Variants in MYO6 observed in about 807,000 individuals in gnomAD.
MYO6 encodes the protein myosin VI.
Under a neutral mutation model 178.7 loss-of-function variants are expected in MYO6, and 74 were observed. The observed-to-expected ratio is 0.41, with a 90% CI of 0.34 to 0.50. MYO6 has a LOEUF of 0.50. Ranked by LOEUF, MYO6 falls within the 20% of genes least tolerant of loss-of-function variation. The pLI, the probability that MYO6 is intolerant of heterozygous loss-of-function variation, is 0.09. For synonymous variants in MYO6, 477 were observed against 504.6 expected, an observed-to-expected ratio of 0.95 and a Z score of 0.73; for missense variants, 1,330 against 1,547.4, an observed-to-expected ratio of 0.86 and a Z score of 2.36.
At chr6:75,798,546 A>G (rs1769093682) in intron 1 of MYO6, among the ~76,000 whole-genome samples, 1 of 152,248 alleles carries the variant, frequency 6.6e-6, no homozygotes, top group Non-Finnish European at 1.5e-5. Context: ...TAGAGGCAGA[A>G]AAAGCTTTCT....
chr6:75,770,205 C>T (rs1403297117), intron 1 of MYO6, among the ~76,000 whole-genome samples: 4 of 152,200 alleles, frequency 2.6e-5, no homozygotes, highest in Admixed American at 2.6e-4. Context: ...GAGGCCCTTT[C>T]CAGAAGCAGA....
At chr6:75,794,056 A>C (rs2150094806) in intron 1 of MYO6, among the ~76,000 whole-genome samples, 1 of 152,308 alleles carries the variant, frequency 6.6e-6, no homozygotes, top group Admixed American at 6.5e-5. Context: ...GGAAAGTAAA[A>C]ATGTGACTGT....
intron 1 of MYO6, among the ~76,000 whole-genome samples, chr6:75,761,934 CTTTT>C (rs530262512): frequency 7.2e-6 from 1 of 139,730 alleles, no homozygotes. Flanking sequence ...TGTAACAGTT[CTTTT>C]TTTTTTTTTT....
chr6:75,759,092 A>T (rs1020547041), intron 1 of MYO6, among the ~76,000 whole-genome samples: 2 of 150,816 alleles, frequency 1.3e-5, no homozygotes, highest in African/African-American at 2.4e-5. Flanking sequence ...CTGGTCTCGA[A>T]CTCCTGACCT....
intron 18 of MYO6, chr6:75,867,334 C>T (rs189430103): frequency 4.8e-6 from 2 of 414,014 alleles, no homozygotes; most frequent in Non-Finnish European, 8.7e-6. Context: ...CTTAACATAT[C>T]TGATTGCCTC....
chr6:75,848,112 A>G lies in MYO6; in HGVS notation c.898-239A>G, dbSNP rs62414787. 0.23 allele frequency among the ~76,000 whole-genome samples: 34,399 copies of G among 152,082 alleles called. 5,105 individuals are homozygous for G. Among genetic ancestry groups the G allele is most frequent in the Middle Eastern group, 0.38 (113 of 294 alleles). ...GAAAAACATCTAATTTCATTATTTTAATTGAAATTTTTACGGATAAGTGTA... is the reference window on the plus strand; with the variant it reads ...GAAAAACATCTAATTTCATTATTTTGATTGAAATTTTTACGGATAAGTGTA... On this transcript the variant is annotated intron_variant, in intron 10 of 34. Coordinates refer to ENST00000369977, the MANE Select transcript of MYO6 (RefSeq NM_004999.4).
intron 6 of MYO6, among the ~76,000 whole-genome samples, chr6:75,835,573 A>G (rs1773557359): frequency 6.6e-6 from 1 of 152,144 alleles, no homozygotes; most frequent in Non-Finnish European, 1.5e-5. Flanking sequence ...CTGGGATGAC[A>G]GGCGCATGCC....
chr6:75,840,763 C>CCA, intron 8 of MYO6, 81 bp downstream of exon 8: 2 of 1,006,790 alleles, frequency 2.0e-6, no homozygotes, highest in Non-Finnish European at 3.1e-6. Flanking sequence ...TGTATTTGCA[C>CCA]TTAATGGTAA....
intron 28 of MYO6, among the ~76,000 whole-genome samples, chr6:75,894,055 G>C (rs940784557): frequency 6.6e-6 from 1 of 152,194 alleles, no homozygotes; most frequent in Non-Finnish European, 1.5e-5. Flanking sequence ...GCAGTTGACA[G>C]AGTTGATTTT....
chr6:75,845,722 C>T (rs1183160165), intron 10 of MYO6, among the ~76,000 whole-genome samples: 2 of 151,796 alleles, frequency 1.3e-5, no homozygotes, highest in African/African-American at 2.4e-5. Context: ...GAGTGGGTCA[C>T]GCTTGTAATC....
At chr6:75,870,837 A>C (rs1274451010) in intron 19 of MYO6, 152 bp downstream of exon 19, 6 of 566,138 alleles carry the variant, frequency 1.1e-5, no homozygotes, top group Non-Finnish European at 1.8e-5. Context: ...TTTCTGAAGA[A>C]AGGTCAAATA....
At position 75,892,680 on chromosome 6, in the gene MYO6, G is replaced by A. The variant is rs1778993301; in HGVS notation, c.3097G>A (p.Ala1033Thr). 6.2e-6 allele frequency: 10 copies of A among 1,612,320 alleles called. No individual in the cohort carries two copies. Among genetic ancestry groups the A allele is most frequent in the South Asian group, 4.4e-5 (4 of 91,002 alleles). Reference protein sequence around the residue: ...LISDEAQADLALRRNDGTRPK... With the variant: ...LISDEAQADLTLRRNDGTRPK... ...CAGTGATGAGGCCCAGGCCGACCTG[G>A]CGCTGCGGAGGTACTGGGGCCCCTG... The change falls in exon 28 of 35, where the codon GCG becomes ACG. Residue 1033 changes from alanine (A) to threonine (T), a missense_variant. By Grantham distance (58) the Ala-to-Thr change is moderately conservative (BLOSUM62 0). Transcript: ENST00000369977.
chr6:75,784,496 C>A (rs368692520), intron 1 of MYO6, among the ~76,000 whole-genome samples: 75 of 151,096 alleles, frequency 5.0e-4, no homozygotes, highest in African/African-American at 1.7e-3. Context: ...GAAGTTTGCC[C>A]GGCGCGGTGG....
intron 16 of MYO6, among the ~76,000 whole-genome samples, chr6:75,864,064 A>T (rs1776444797): frequency 6.6e-6 from 1 of 152,174 alleles, no homozygotes; most frequent in South Asian, 2.1e-4. Context: ...CATAGACAAC[A>T]TCATTAACAA....
chr6:75,891,216 A>G lies in MYO6; in HGVS notation c.2868-12A>G, dbSNP rs1166200776. 2.5e-6 allele frequency: 4 copies of G among 1,575,502 alleles called. No homozygotes were observed. Among genetic ancestry groups the G allele is most frequent in the East Asian group, 4.5e-5 (2 of 44,012 alleles). The stretch of plus-strand genomic sequence containing the variant: ...CTGTTAAATTTTTGAAGAGTTTTCT[A>G]TTTTTTATTAGGAAACTTGAGATGG... On this transcript the variant is annotated splice_polypyrimidine_tract_variant and intron_variant, in intron 26 of 34. Transcript: ENST00000369977.
Position 75,918,118 on chromosome 6 carries a change from C to G in MYO6, c.*3106C>G, listed in dbSNP as rs1781220814. ...CCAAAACAAACACTTTTTAGTGGCA[C>G]CTGTGGATTTACAAAGGGTTGCCTC... On this transcript the variant is annotated 3_prime_UTR_variant, in exon 35 of 35. Coordinates refer to ENST00000369977, the MANE Select transcript of MYO6 (RefSeq NM_004999.4). The G allele has an allele frequency of 6.6e-6, 1 of 152,178 alleles. No individual in the cohort carries two copies. The highest frequency in any genetic ancestry group is 6.5e-5 in the Admixed American group (1 of 15,278). The allele number at this position is 152,178 out of a possible 1,614,324, so 9.4% of individuals were successfully genotyped here. A position where few individuals can be genotyped will look rare whatever the true frequency, so the allele number is the denominator to read the frequency against.
Position 75,900,307 on chromosome 6 carries a change from C to T in MYO6, c.3176+1896C>T, listed in dbSNP as rs143469230. ...CTAGTTCTAGATCCCTGAGGAATTG[C>T]CACACTGACTTCCACAATGGTTGAA... On this transcript the variant is annotated intron_variant, in intron 30 of 34. Coordinates refer to ENST00000369977, the MANE Select transcript of MYO6 (RefSeq NM_004999.4). 2.8e-3 allele frequency among the ~76,000 whole-genome samples: 419 copies of T among 152,240 alleles called. 5 individuals carry two copies. The highest frequency in any genetic ancestry group is 6.8e-3 in the Middle Eastern group (2 of 294).
chr6:75,849,274 T>C (rs1243642065), intron 11 of MYO6, among the ~76,000 whole-genome samples: 1 of 152,224 alleles, frequency 6.6e-6, no homozygotes, highest in African/African-American at 2.4e-5. Flanking sequence ...CTATATGTCC[T>C]GCAAAGCCTA....
At chr6:75,781,560 C>T (rs1766983166) in intron 1 of MYO6, among the ~76,000 whole-genome samples, 1 of 152,088 alleles carries the variant, frequency 6.6e-6, no homozygotes, top group African/African-American at 2.4e-5. Context: ...ACTCAGCTTT[C>T]CAGGTTTTCA....
Sources: allele counts gnomAD v4.1 joint callset (sites outside exome capture counted in the v4.1 genomes callset), GRCh38; gene constraint gnomAD v4.1.1; transcripts MANE v1.5; gene names NCBI Gene and HGNC (gene_info 2026-07-23, HGNC 2026-07-21).